The following RNF38 variants were observed in gnomAD, a reference collection of about 807,000 sequenced individuals.
RNF38 encodes ring finger protein 38.
In RNF38, 15 loss-of-function variants were observed where a neutral mutation model predicts 67.2. The ratio of observed to expected loss-of-function variants is 0.22; its 90% CI spans 0.15 to 0.34. The LOEUF (loss-of-function observed/expected upper bound fraction) is 0.34. RNF38 is among the 10% of genes least tolerant of loss of function. RNF38 has a pLI of 1.00. For missense variants in RNF38, 524 were observed against 639.9 expected (o/e 0.82, Z 1.95); for synonymous variants, 220 against 218.8 (o/e 1.01, Z -0.05).
chr9:36,382,512 A>G (rs1836286408), intron 2 of RNF38, among the ~76,000 whole-genome samples: 1 of 152,174 alleles, frequency 6.6e-6, no homozygotes, highest in African/African-American at 2.4e-5. Flanking sequence ...AGGCTAAAGA[A>G]AAACAATTTT....
At chr9:36,450,744 G>T (rs568726595) in intron 1 of RNF38, among the ~76,000 whole-genome samples, 1 of 151,584 alleles carries the variant, frequency 6.6e-6, no homozygotes, top group Non-Finnish European at 1.5e-5. Flanking sequence ...TTAAAACCCC[G>T]TCTCTACTAA....
chr9:36,473,006 C>T (rs575716764), intron 1 of RNF38, among the ~76,000 whole-genome samples: 112 of 152,190 alleles, frequency 7.4e-4, no homozygotes, highest in Non-Finnish European at 1.4e-3. Context: ...GTGGCACATG[C>T]CTTTAATCCC....
intron 4 of RNF38, among the ~76,000 whole-genome samples, chr9:36,366,386 C>T (rs1834964333): frequency 6.6e-6 from 1 of 152,036 alleles, no homozygotes; most frequent in Non-Finnish European, 1.5e-5. Context: ...AAAAGCTTTA[C>T]ATATTGCAAC....
chr9:36,448,246 T>C (rs1447487066), intron 1 of RNF38, among the ~76,000 whole-genome samples: 1 of 152,220 alleles, frequency 6.6e-6, no homozygotes, highest in African/African-American at 2.4e-5. Context: ...TATATCTAAG[T>C]ATTAGGCAAG....
chr9:36,445,801 G>A (rs1237842782), intron 1 of RNF38, among the ~76,000 whole-genome samples: 1 of 152,202 alleles, frequency 6.6e-6, no homozygotes, highest in Non-Finnish European at 1.5e-5. Flanking sequence ...ACACCGTAAG[G>A]TGTCACAAAA....
At chr9:36,461,310 A>C (rs995254786) in intron 1 of RNF38, among the ~76,000 whole-genome samples, 1 of 152,238 alleles carries the variant, frequency 6.6e-6, no homozygotes, top group African/African-American at 2.4e-5. Flanking sequence ...TAAAGGAAAA[A>C]GAAAACCAGA....
At chr9:36,369,374 C>A (rs1420648414) in intron 4 of RNF38, among the ~76,000 whole-genome samples, 2 of 151,914 alleles carry the variant, frequency 1.3e-5, no homozygotes. Context: ...ACATGTACCA[C>A]CACATCCAGC....
chr9:36,380,324 C>T (rs1387644800), intron 2 of RNF38, among the ~76,000 whole-genome samples: 3 of 152,076 alleles, frequency 2.0e-5, no homozygotes, highest in African/African-American at 4.8e-5. Context: ...TTCAGCCTCC[C>T]GAGTAGCTGG....
chr9:36,364,319 G>A (rs1370271403), intron 4 of RNF38, among the ~76,000 whole-genome samples: 1 of 152,022 alleles, frequency 6.6e-6, no homozygotes, highest in Non-Finnish European at 1.5e-5. Flanking sequence ...TAAGAATACA[G>A]TATATAATAT....
chr9:36,400,395 G>C, upstream of RNF38: 3 of 1,155,670 alleles, frequency 2.6e-6, no homozygotes, highest in Non-Finnish European at 3.2e-6. Context: ...CGGCGGCTCC[G>C]CGAGCTGAGA....
chr9:36,486,912 G>T (rs527410159), intron 1 of RNF38, among the ~76,000 whole-genome samples: 7 of 152,190 alleles, frequency 4.6e-5, no homozygotes, highest in Admixed American at 1.3e-4. Flanking sequence ...GGGGCCGGGG[G>T]ATCGACCTCT....
chr9:36,377,824 A>G (rs114556803), intron 2 of RNF38, among the ~76,000 whole-genome samples: 221 of 152,318 alleles, frequency 1.5e-3, no homozygotes, highest in African/African-American at 5.1e-3. Context: ...TAGCTGTTAT[A>G]CTGTATTTTA....
At chr9:36,374,982 T>C (rs903812008) in intron 3 of RNF38, among the ~76,000 whole-genome samples, 4 of 152,132 alleles carry the variant, frequency 2.6e-5, no homozygotes, top group Admixed American at 6.5e-5. Context: ...TCAAGATCAT[T>C]GATATTCCTT....
chr9:36,362,470 CA>C (rs57951615), intron 4 of RNF38, among the ~76,000 whole-genome samples: 126,736 of 135,286 alleles, frequency 0.94, 59,633 homozygotes, highest in East Asian at 0.99. Context: ...ATCAAGACTA[CA>C]AAAAAAAAAA....
At chr9:36,396,422 TC>T (rs1203341056) in intron 1 of RNF38, among the ~76,000 whole-genome samples, 1 of 152,152 alleles carries the variant, frequency 6.6e-6, no homozygotes, top group Non-Finnish European at 1.5e-5. Context: ...TTTTTTTTTT[TC>T]CCTGTTCTGA....
Position 36,445,872 on chromosome 9 carries a change from TCTC to T in RNF38, n.242-21192_242-21190del, listed in dbSNP as rs761159532. ...CTAGGGAAAAATGTATTCAGATTCT[TCTC>T]CCTTTCAACTATCAGGCTCAAACGA... is the stretch of plus-strand genomic sequence containing the variant. On this transcript the variant is annotated intron_variant and non_coding_transcript_variant, in intron 1 of 3. Transcript: ENST00000488058. Among the ~76,000 whole-genome samples, 6 of 152,280 alleles carry T rather than the reference TCTC, an allele frequency of 3.9e-5. No homozygotes were observed. The East Asian group carries it at 1.2e-3, about 29-fold the overall frequency.
intron 2 of RNF38, among the ~76,000 whole-genome samples, chr9:36,411,795 C>G (rs1838332754): frequency 6.6e-6 from 1 of 151,932 alleles, no homozygotes; most frequent in African/African-American, 2.4e-5. Context: ...GTTTCAAACT[C>G]CTGACTTCAA....
At chr9:36,445,693 A>C (rs1839283690) in intron 1 of RNF38, among the ~76,000 whole-genome samples, 1 of 152,222 alleles carries the variant, frequency 6.6e-6, no homozygotes, top group Non-Finnish European at 1.5e-5. Flanking sequence ...TAAAGTAAGG[A>C]GGCATGCAGC....
At chr9:36,420,269 AC>A (rs1426839541) in intron 2 of RNF38, among the ~76,000 whole-genome samples, 1 of 152,084 alleles carries the variant, frequency 6.6e-6, no homozygotes, top group African/African-American at 2.4e-5. Flanking sequence ...ACGGTGGCTC[AC>A]GCCTGTAATC....
Sources: gnomAD v4.1 joint callset for allele counts (sites outside exome capture counted in the v4.1 genomes callset) on GRCh38, gnomAD v4.1.1 for gene constraint, MANE v1.5 for transcripts, NCBI Gene and HGNC (gene_info 2026-07-23, HGNC 2026-07-21) for gene names.